FAT3: variants seen among roughly 807,000 people sequenced by gnomAD.
FAT3 encodes the protein protocadherin Fat 3.
Under a neutral mutation model 310.2 loss-of-function variants are expected in FAT3, and 95 were observed. The observed-to-expected ratio is 0.31, with a 90% CI of 0.26 to 0.36. The LOEUF (loss-of-function observed/expected upper bound fraction) is 0.36, where lower values mean the gene tolerates loss of function less well. Ranked by LOEUF, FAT3 falls within the 10% of genes least tolerant of loss-of-function variation. FAT3 has a pLI of 1.00. For synonymous variants in FAT3, 2,314 were observed against 2,192.9 expected (o/e 1.06, Z -1.54); for missense variants, 5,408 against 5,715.6 (o/e 0.95, Z 1.74).
intron 3 of FAT3, among the ~76,000 whole-genome samples, chr11:92,553,878 T>C (rs1185445791): frequency 6.6e-6 from 1 of 151,860 alleles, no homozygotes; most frequent in Non-Finnish European, 1.5e-5. Context: ...CAATTTCGGC[T>C]CACTGCAAGC....
chr11:92,512,534 A>G (rs1048514092), intron 2 of FAT3, among the ~76,000 whole-genome samples: 8 of 147,250 alleles, frequency 5.4e-5, no homozygotes, highest in Non-Finnish European at 1.0e-4. Context: ...TATATAAATT[A>G]TATTTTAAAT....
chr11:92,536,537 A>G (rs560270676), intron 3 of FAT3, among the ~76,000 whole-genome samples: 1 of 152,286 alleles, frequency 6.6e-6, no homozygotes, highest in South Asian at 2.1e-4. Flanking sequence ...ATGAGTTAAG[A>G]TATGTAAAGT....
intron 1 of FAT3, among the ~76,000 whole-genome samples, chr11:92,238,460 CT>C (rs1367211397): frequency 6.6e-6 from 1 of 152,006 alleles, no homozygotes; most frequent in African/African-American, 2.4e-5. Context: ...CTGAGGGTAT[CT>C]TGAAATTTCG....
At chr11:92,700,005 T>C (rs779589075) in intron 4 of FAT3, among the ~76,000 whole-genome samples, 1 of 152,150 alleles carries the variant, frequency 6.6e-6, no homozygotes, top group African/African-American at 2.4e-5. Context: ...TCACCTGGTG[T>C]ACCAGGGACT....
intron 2 of FAT3, among the ~76,000 whole-genome samples, chr11:92,394,744 T>G (rs1211432657): frequency 6.6e-6 from 1 of 152,198 alleles, no homozygotes; most frequent in Non-Finnish European, 1.5e-5. Context: ...ATCTACAGTC[T>G]TTCCATTTTC....
At chr11:92,263,705 A>G (rs554230691) in intron 1 of FAT3, among the ~76,000 whole-genome samples, 123 of 152,208 alleles carry the variant, frequency 8.1e-4, no homozygotes, top group African/African-American at 2.9e-3. Flanking sequence ...CTTTAATTCA[A>G]AATGATTAAA....
At chr11:92,420,810 A>AT (rs1013951481) in intron 2 of FAT3, among the ~76,000 whole-genome samples, 1 of 151,886 alleles carries the variant, frequency 6.6e-6, no homozygotes, top group Non-Finnish European at 1.5e-5. Flanking sequence ...CAATTATACT[A>AT]TTTTTCCTTT....
chr11:92,387,734 T>C (rs1298912734), intron 2 of FAT3, among the ~76,000 whole-genome samples: 4 of 152,162 alleles, frequency 2.6e-5, no homozygotes, highest in Non-Finnish European at 5.9e-5. Context: ...GAGAAGATCC[T>C]GTATAAGTGG....
chr11:92,443,268 G>A (rs1408081550), intron 2 of FAT3, among the ~76,000 whole-genome samples: 1 of 152,142 alleles, frequency 6.6e-6, no homozygotes, highest in African/African-American at 2.4e-5. Flanking sequence ...TCCTAATTTA[G>A]CACAGCTGTT....
chr11:92,732,166 G>T (rs887013949), intron 4 of FAT3, among the ~76,000 whole-genome samples: 8 of 152,144 alleles, frequency 5.3e-5, no homozygotes, highest in African/African-American at 1.9e-4. Flanking sequence ...TGTTAGCATT[G>T]TCAGAAATGT....
At chr11:92,792,724 A>C in intron 8 of FAT3, 43 bp from the exon 9 acceptor site, 1 of 1,589,612 alleles carries the variant, frequency 6.3e-7, no homozygotes, top group Non-Finnish European at 8.6e-7. Context: ...GTTCTTTGCA[A>C]TTTAAAATTT....
chr11:92,762,187 T>C lies in FAT3; in HGVS notation c.3984+17T>C. The stretch of plus-strand genomic sequence containing the variant: ...ATCCTAACGGTAAGATCTTCCAAAC[T>C]CCAGCAGCACAGCAGATGGGGGGAA... On this transcript the variant is annotated intron_variant, in intron 5 of 27. Coordinates refer to ENST00000525166, the MANE Select transcript of FAT3 (RefSeq NM_001367949.2). 1 of 1,597,734 alleles carries C rather than the reference T, an allele frequency of 6.3e-7. No individual in the cohort carries two copies.
At chr11:92,558,494 G>A (rs2135461082) in intron 3 of FAT3, among the ~76,000 whole-genome samples, 1 of 151,912 alleles carries the variant, frequency 6.6e-6, no homozygotes, top group East Asian at 1.9e-4. Context: ...TTTCTAGTAG[G>A]AAATAAGGCT....
intron 1 of FAT3, among the ~76,000 whole-genome samples, chr11:92,259,088 A>G (rs1021475710): frequency 6.6e-6 from 1 of 151,992 alleles, no homozygotes; most frequent in Non-Finnish European, 1.5e-5. Flanking sequence ...TCCTGATCTG[A>G]CACTTCCTTA....
intron 1 of FAT3, among the ~76,000 whole-genome samples, chr11:92,237,585 A>G (rs546468293): frequency 6.6e-6 from 1 of 152,218 alleles, no homozygotes; most frequent in African/African-American, 2.4e-5. Flanking sequence ...GCATGTTTTA[A>G]TGTTGCTGCC....
intron 3 of FAT3, among the ~76,000 whole-genome samples, chr11:92,688,030 C>CAA (rs1168810709): frequency 1.5e-5 from 2 of 137,644 alleles, no homozygotes; most frequent in African/African-American, 5.3e-5. Context: ...ACATCTCTAC[C>CAA]AAAAAAAAAA....
chr11:92,332,690 C>T (rs578090362), intron 1 of FAT3, among the ~76,000 whole-genome samples: 3 of 151,984 alleles, frequency 2.0e-5, no homozygotes, highest in Admixed American at 1.3e-4. Flanking sequence ...GATAATGATA[C>T]CCACCGAATT....
At chr11:92,458,621 G>A (rs1326309973) in intron 2 of FAT3, among the ~76,000 whole-genome samples, 1 of 152,132 alleles carries the variant, frequency 6.6e-6, no homozygotes, top group Admixed American at 6.6e-5. Context: ...TCTCTGACCT[G>A]CTCAGTTTCC....
At position 92,810,413 on chromosome 11, in the gene FAT3, T is replaced by C. The variant is rs1016627344; in HGVS notation, c.9481+337T>C. 3.8e-4 allele frequency among the ~76,000 whole-genome samples: 58 copies of C among 152,302 alleles called. No homozygotes were observed. The South Asian group carries it at 3.9e-3, about 10-fold the overall frequency. ...AATGATAGATTTCCTCATTGTCTTT[T>C]CCTCCTAAACATAGTCAAAAGGCTA... On this transcript the variant is annotated intron_variant, in intron 13 of 27. Transcript: ENST00000525166.
Sources: allele counts gnomAD v4.1 joint callset (sites outside exome capture counted in the v4.1 genomes callset), GRCh38; gene constraint gnomAD v4.1.1; transcripts MANE v1.5; gene names NCBI Gene and HGNC (gene_info 2026-07-23, HGNC 2026-07-21).